Variants in OR51B5 observed in about 807,000 individuals in gnomAD.
The protein encoded by OR51B5 is olfactory receptor family 51 subfamily B member 5, also known as olfactory receptor 51B5.
For synonymous variants in OR51B5, 186 were observed against 144.8 expected, an observed-to-expected ratio of 1.28 and a Z score of -2.04; for missense variants, 456 against 374.6, an observed-to-expected ratio of 1.22 and a Z score of -1.79.
Position 5,505,395 on chromosome 11 carries a change from T to C in OR51B5, n.84+174A>G, listed in dbSNP as rs16931976. 8,146 of 1,304,168 alleles carry C rather than the reference T, an allele frequency of 6.2e-3. 165 individuals are homozygous for C. In the African/African-American group the frequency reaches 0.066, roughly 11 times the overall value. 80.8% of individuals were successfully genotyped at this position (1,304,168 alleles called of 1,614,324 possible). On this transcript the variant is annotated intron_variant and non_coding_transcript_variant, in intron 1 of 4. Transcript: ENST00000415970. ...GGAGAGGCAAGACTTTCCTCTTCAT[T>C]TCCCCTAGCACCACCATAAACAATA...
intron 1 of OR51B5, chr11:5,455,568 A>AGAGGGAGAGAGAGAAAGAGAGAG (rs1554893762): frequency 7.4e-6 from 1 of 135,318 alleles, no homozygotes; most frequent in African/African-American, 2.8e-5. Flanking sequence ...AAGGGGGGAG[A>AGAGGGAGAGAGAGAAAGAGAGAG]GAGAGAGAGA....
chr11:5,430,499 A>G (rs1336437367), intron 1 of OR51B5, among the ~76,000 whole-genome samples: 1 of 152,222 alleles, frequency 6.6e-6, no homozygotes, highest in East Asian at 1.9e-4. Flanking sequence ...AAGGGTTAGG[A>G]ATAACTCTTG....
chr11:5,356,212 A>G (rs887512899), intron 1 of OR51B5, among the ~76,000 whole-genome samples: 37 of 152,172 alleles, frequency 2.4e-4, no homozygotes, highest in Admixed American at 5.9e-4. Context: ...CATGGCAAAA[A>G]AGTTAAAAAC....
In OR51B5 at chr11:5,445,632, G is replaced by A. The variant is rs16931111; in HGVS notation, n.84+59937C>T. 4.6e-3 allele frequency among the ~76,000 whole-genome samples: 696 copies of A among 151,088 alleles called. 4 individuals are homozygous for A. Among genetic ancestry groups the A allele is most frequent in the African/African-American group, 0.016 (676 of 41,104 alleles). The stretch of plus-strand genomic sequence containing the variant: ...AACTAATCCACCTAACAGGCTAAAT[G>A]TACCTCCAAGCCCTATCTAGAAATA... On this transcript the variant is annotated intron_variant and non_coding_transcript_variant, in intron 1 of 4. Coordinates refer to the OR51B5 transcript ENST00000415970.
intron 1 of OR51B5, among the ~76,000 whole-genome samples, chr11:5,417,469 C>T (rs1337441886): frequency 1.3e-5 from 2 of 151,428 alleles, no homozygotes; most frequent in African/African-American, 4.8e-5. Context: ...GCAAAAGAAA[C>T]TACCATCAGA....
chr11:5,451,915 G>C, intron 1 of OR51B5, among the ~76,000 whole-genome samples: 1 of 152,150 alleles, frequency 6.6e-6, no homozygotes, highest in East Asian at 1.9e-4. Flanking sequence ...ACACAAAAGT[G>C]TGTCAAAAAC....
At chr11:5,384,328 T>A (rs570758050) in intron 1 of OR51B5, among the ~76,000 whole-genome samples, 1 of 152,150 alleles carries the variant, frequency 6.6e-6, no homozygotes, top group Non-Finnish European at 1.5e-5. Context: ...TGAACCACCA[T>A]ATACAGCAGT....
rs1327313966 is a variant in OR51B5 at position 5,505,239 on chromosome 11, A to G, written n.84+330T>C. 6 of 1,110,378 alleles carry G rather than the reference A, an allele frequency of 5.4e-6. No individual in the cohort carries two copies. The African/African-American group carries it at 8.2e-5, about 15-fold the overall frequency. The allele number at this position is 1,110,378 out of a possible 1,614,324, so 68.8% of individuals were successfully genotyped here. On this transcript the variant is annotated intron_variant and non_coding_transcript_variant, in intron 1 of 4. Transcript: ENST00000415970. The stretch of plus-strand genomic sequence containing the variant: ...ATGGAAGGCAGATAAATGCAGTAAC[A>G]TTGCTATTAGGTTTTTTGTTTTTTT...
intron 1 of OR51B5, among the ~76,000 whole-genome samples, chr11:5,382,749 C>G (rs1264789740): frequency 6.6e-6 from 1 of 152,176 alleles, no homozygotes; most frequent in African/African-American, 2.4e-5. Flanking sequence ...CACCCTGACT[C>G]TCCTACACTC....
chr11:5,396,859 T>C (rs2133736591), intron 1 of OR51B5, among the ~76,000 whole-genome samples: 1 of 152,290 alleles, frequency 6.6e-6, no homozygotes, highest in South Asian at 2.1e-4. Context: ...AACAGAGATA[T>C]AGACCAATGG....
intron 1 of OR51B5, among the ~76,000 whole-genome samples, chr11:5,460,618 G>A (rs1050143789): frequency 2.0e-5 from 3 of 149,748 alleles, no homozygotes; most frequent in Admixed American, 6.7e-5. Context: ...ATTGCTGGGG[G>A]AGCTGGTTCA....
intron 1 of OR51B5, among the ~76,000 whole-genome samples, chr11:5,460,878 G>T (rs1002156496): frequency 6.6e-6 from 1 of 152,220 alleles, no homozygotes; most frequent in African/African-American, 2.4e-5. Flanking sequence ...CCTACATGCT[G>T]TAACCCTGGG....
intron 1 of OR51B5, among the ~76,000 whole-genome samples, chr11:5,503,030 A>G (rs1846320266): frequency 6.6e-6 from 1 of 152,206 alleles, no homozygotes; most frequent in African/African-American, 2.4e-5. Context: ...CAAGTTAAAA[A>G]GGTAGGTTAT....
chr11:5,461,792 TACC>T lies in OR51B5; in HGVS notation n.84+43774_84+43776del, dbSNP rs200231043. On this transcript the variant is annotated intron_variant and non_coding_transcript_variant, in intron 1 of 4. Coordinates refer to the OR51B5 transcript ENST00000415970. ...ATGCCTATGTTTCTCATCCCGTCCC[TACC>T]AGCACTCAGGGCCAGAAAGGAGTCC... Among the ~76,000 whole-genome samples the T allele has an allele frequency of 9.3e-3, 1,420 of 152,306 alleles. 19 individuals carry two copies. Among genetic ancestry groups the T allele is most frequent in the Non-Finnish European group, 9.1e-3 (619 of 68,018 alleles).
chr11:5,489,358 G>A lies in OR51B5; in HGVS notation n.84+16211C>T. ...CATGGGACTGGATTCCATTCTCATT[G>A]CCATTTCCTATGGCTTTATCCTCCA... On this transcript the variant is annotated intron_variant and non_coding_transcript_variant, in intron 1 of 4. Coordinates refer to the OR51B5 transcript ENST00000415970. The A allele has an allele frequency of 6.2e-7, 1 of 1,613,928 alleles. No individual in the cohort carries two copies. Among genetic ancestry groups the A allele is most frequent in the Non-Finnish European group, 8.5e-7 (1 of 1,179,918 alleles).
At chr11:5,426,383 C>T (rs1280261172) in intron 1 of OR51B5, among the ~76,000 whole-genome samples, 1 of 152,020 alleles carries the variant, frequency 6.6e-6, no homozygotes, top group African/African-American at 2.4e-5. Context: ...TTATTTAAGA[C>T]ATTATAGGAT....
chr11:5,504,850 C>A (rs1846349696), intron 1 of OR51B5, among the ~76,000 whole-genome samples: 1 of 152,196 alleles, frequency 6.6e-6, no homozygotes, highest in Non-Finnish European at 1.5e-5. Context: ...CACCTTGGAG[C>A]CAGGCATGAG....
chr11:5,404,932 C>A (rs1332293969), intron 1 of OR51B5, among the ~76,000 whole-genome samples: 2 of 152,286 alleles, frequency 1.3e-5, no homozygotes, highest in South Asian at 2.1e-4. Flanking sequence ...TCTGAAGGAA[C>A]AAACTCTGGA....
At chr11:5,492,376 T>A (rs183108801) in intron 1 of OR51B5, among the ~76,000 whole-genome samples, 2 of 152,198 alleles carry the variant, frequency 1.3e-5, no homozygotes, top group Non-Finnish European at 1.5e-5. Flanking sequence ...TTTGACTTTA[T>A]TGTGATGTGC....
Sources: gnomAD v4.1 joint callset for allele counts (sites outside exome capture counted in the v4.1 genomes callset) on GRCh38, gnomAD v4.1.1 for gene constraint, MANE v1.5 for transcripts, NCBI Gene and HGNC (gene_info 2026-07-23, HGNC 2026-07-21) for gene names.